The following SYN3 variants were observed in gnomAD, a reference collection of about 807,000 sequenced individuals.
The protein encoded by SYN3 is synapsin-3.
Under a neutral mutation model 65.8 loss-of-function variants are expected in SYN3, and 35 were observed. The observed-to-expected ratio is 0.53, with a 90% confidence interval of 0.41 to 0.70. The LOEUF is 0.70. Among genes scored for constraint, SYN3 ranks in the 30% least tolerant of loss-of-function variants. SYN3 has a pLI of 0.00. For missense variants in SYN3, 680 were observed against 749.0 expected (o/e 0.91, Z 1.08); for synonymous variants, 270 against 292.9 (o/e 0.92, Z 0.80).
chr22:32,607,995 G>C (rs73399274), intron 6 of SYN3, among the ~76,000 whole-genome samples: 4,560 of 152,188 alleles, frequency 0.03, 254 homozygotes, highest in African/African-American at 0.1. Flanking sequence ...TACTTTTTTT[G>C]ACAGTCTTGT....
chr22:32,871,437 T>C (rs2048846382), intron 4 of SYN3, among the ~76,000 whole-genome samples: 1 of 152,108 alleles, frequency 6.6e-6, no homozygotes, highest in African/African-American at 2.4e-5. Flanking sequence ...GATTTGGAAA[T>C]CTACCTCAAG....
At position 32,757,666 on chromosome 22, in the gene SYN3, C is replaced by T. The variant is rs192150703; in HGVS notation, c.711+107249G>A. Among the ~76,000 whole-genome samples, 3 of 152,158 alleles carry T rather than the reference C, an allele frequency of 2.0e-5. No individual in the cohort carries two copies. The East Asian group carries it at 5.8e-4, about 29-fold the overall frequency. ...CAGTGGTGGCTGGGTTGATCGACCC[C>T]GACTATCAAGATGAAATCAGTCTAC... On this transcript the variant is annotated intron_variant, in intron 6 of 13. Coordinates refer to ENST00000358763, the MANE Select transcript of SYN3 (RefSeq NM_003490.4).
intron 6 of SYN3, among the ~76,000 whole-genome samples, chr22:32,754,488 A>G (rs2045234248): frequency 6.6e-6 from 1 of 152,058 alleles, no homozygotes; most frequent in Non-Finnish European, 1.5e-5. Context: ...CACTTTGGTC[A>G]TCCTCCCAGT....
At chr22:32,565,879 A>G (rs2058666529) in intron 7 of SYN3, among the ~76,000 whole-genome samples, 1 of 151,804 alleles carries the variant, frequency 6.6e-6, no homozygotes, top group Non-Finnish European at 1.5e-5. Context: ...CGCCCAGCTA[A>G]TTTTTTGTAT....
intron 6 of SYN3, among the ~76,000 whole-genome samples, chr22:32,622,546 G>T (rs2059609683): frequency 1.3e-5 from 2 of 152,010 alleles, no homozygotes; most frequent in African/African-American, 4.8e-5. Flanking sequence ...CTGAGGGGGA[G>T]GCCCAGCGCT....
chr22:32,678,589 T>C lies in SYN3; in HGVS notation c.712-81853A>G, dbSNP rs1173852183. On this transcript the variant is annotated intron_variant, in intron 6 of 13. Coordinates refer to ENST00000358763, the MANE Select transcript of SYN3 (RefSeq NM_003490.4). ...TCCTTCCTCCTCCTCTCCTCCTCCT[T>C]CTTCTCCTTCTTCTCCTTCTTTCTT... Among the ~76,000 whole-genome samples the C allele has an allele frequency of 1.0e-4, 15 of 149,066 alleles. No individual in the cohort carries two copies. In the East Asian group the frequency reaches 2.3e-3, roughly 23 times the overall value.
chr22:32,869,330 TTCTCTCTC>T (rs59752570), intron 4 of SYN3, among the ~76,000 whole-genome samples: 78 of 121,038 alleles, frequency 6.4e-4, no homozygotes, highest in African/African-American at 2.1e-3. Flanking sequence ...ACTATATATA[TTCTCTCTC>T]TCTCTCTCTC....
intron 6 of SYN3, among the ~76,000 whole-genome samples, chr22:32,599,358 G>T (rs2146605527): frequency 6.8e-6 from 1 of 147,948 alleles, no homozygotes; most frequent in South Asian, 2.1e-4. Context: ...GTCTCGCTTT[G>T]TCGCTCAGGC....
At chr22:33,023,950 T>C (rs2053599504) in intron 1 of SYN3, among the ~76,000 whole-genome samples, 1 of 152,132 alleles carries the variant, frequency 6.6e-6, no homozygotes, top group Non-Finnish European at 1.5e-5. Flanking sequence ...GCTGGAGAGG[T>C]GTCCACCTTG....
chr22:32,919,967 A>T (rs917364759), intron 4 of SYN3, among the ~76,000 whole-genome samples: 5 of 152,152 alleles, frequency 3.3e-5, no homozygotes, highest in African/African-American at 7.2e-5. Context: ...AAGCCCATGC[A>T]TCTCCCTCTT....
chr22:32,998,776 TA>T (rs34372968), intron 2 of SYN3, among the ~76,000 whole-genome samples: 22 of 82,008 alleles, frequency 2.7e-4, no homozygotes, highest in Admixed American at 5.6e-4. Flanking sequence ...ATAGAAATAG[TA>T]AAAAAAAAAA....
chr22:32,872,265 G>T (rs764357782), intron 4 of SYN3, among the ~76,000 whole-genome samples: 1 of 152,218 alleles, frequency 6.6e-6, no homozygotes, highest in Non-Finnish European at 1.5e-5. Context: ...TTAAATAAAT[G>T]ATTGCATGAA....
chr22:32,725,212 C>G (rs983786077), intron 6 of SYN3, among the ~76,000 whole-genome samples: 2 of 152,186 alleles, frequency 1.3e-5, no homozygotes, highest in Non-Finnish European at 2.9e-5. Context: ...GGGTTTCTTT[C>G]CACCACAGCA....
At position 32,597,642 on chromosome 22, in the gene SYN3, C is replaced by T. The variant is rs192830915; in HGVS notation, c.712-906G>A. On this transcript the variant is annotated intron_variant, in intron 6 of 13. Transcript: ENST00000358763. ...GTCTGCCTCTGGCACAAGCGTTTAT[C>T]GACTGTACCACATAGGCTCCGTGCT... is the stretch of plus-strand genomic sequence containing the variant. Among the ~76,000 whole-genome samples the T allele has an allele frequency of 2.9e-4, 44 of 152,304 alleles. No individual in the cohort carries two copies. The East Asian group carries it at 6.6e-3, about 23-fold the overall frequency.
chr22:32,692,967 T>C (rs2060686305), intron 6 of SYN3, among the ~76,000 whole-genome samples: 2 of 152,078 alleles, frequency 1.3e-5, no homozygotes, highest in African/African-American at 4.8e-5. Context: ...TTTCTATGTA[T>C]AAATAAGCAT....
At chr22:32,567,393 A>G (rs1371974535) in intron 7 of SYN3, among the ~76,000 whole-genome samples, 2 of 139,768 alleles carry the variant, frequency 1.4e-5, no homozygotes, top group African/African-American at 2.7e-5. Context: ...CCAAAAATGT[A>G]TTAAGGGACT....
In SYN3 at chr22:32,837,261, C is replaced by T. The variant is rs2047758728; in HGVS notation, c.711+27654G>A. On this transcript the variant is annotated intron_variant, in intron 6 of 13. Coordinates refer to ENST00000358763, the MANE Select transcript of SYN3 (RefSeq NM_003490.4). This position sits in a 1 kb window ranked among gnomAD's most constrained non-coding sequence, Gnocchi z 4.1. ...GACCATGCTGCTATTCTGGTGGCCA[C>T]TTGTGTGGGATAAAGTTTCCCATGG... Among the ~76,000 whole-genome samples the T allele has an allele frequency of 6.6e-6, 1 of 152,164 alleles. No homozygotes were observed. Among genetic ancestry groups the T allele is most frequent in the Non-Finnish European group, 1.5e-5 (1 of 68,044 alleles).
intron 6 of SYN3, among the ~76,000 whole-genome samples, chr22:32,765,436 T>A (rs1193770635): frequency 6.6e-6 from 1 of 152,156 alleles, no homozygotes; most frequent in Non-Finnish European, 1.5e-5. Flanking sequence ...GCTGTCATTT[T>A]CCTCTCTGGT....
At chr22:32,750,790 G>C (rs572774688) in intron 6 of SYN3, among the ~76,000 whole-genome samples, 14 of 152,232 alleles carry the variant, frequency 9.2e-5, no homozygotes, top group Non-Finnish European at 1.6e-4. Flanking sequence ...TGGGTGGTGA[G>C]AGAAGGGGCA....
Sources: gnomAD v4.1 joint callset for allele counts (sites outside exome capture counted in the v4.1 genomes callset) on GRCh38, gnomAD v4.1.1 for gene constraint, Gnocchi (gnomAD v3.1) non-coding constraint, MANE v1.5 for transcripts, NCBI Gene and HGNC (gene_info 2026-07-23, HGNC 2026-07-21) for gene names.